ITGA6: variants seen among roughly 807,000 people sequenced by gnomAD.
ITGA6 encodes the protein integrin alpha-6.
A neutral mutation model predicts 133.6 loss-of-function variants in ITGA6; 63 were observed. The ratio of observed to expected loss-of-function variants is 0.47; its 90% confidence interval spans 0.38 to 0.58. ITGA6 has a LOEUF of 0.58. Ranked by LOEUF, ITGA6 falls within the 20% of genes least tolerant of loss-of-function variation. The pLI is 0.00. For missense variants in ITGA6, 1,068 were observed against 1,309.4 expected (o/e 0.82, Z 2.85); for synonymous variants, 434 against 482.0 (o/e 0.90, Z 1.30).
chr2:172,446,545 G>A (rs908001434), intron 1 of ITGA6, among the ~76,000 whole-genome samples: 4 of 152,206 alleles, frequency 2.6e-5, no homozygotes, highest in South Asian at 2.1e-4. Flanking sequence ...CTGTGCAAAG[G>A]TCAGGGATGG....
intron 9 of ITGA6, among the ~76,000 whole-genome samples, 175 bp downstream of exon 9, chr2:172,476,688 A>G (rs1174835313): frequency 6.6e-6 from 1 of 152,200 alleles, no homozygotes; most frequent in Admixed American, 6.5e-5. Context: ...TATTTTCTAA[A>G]ATCTTTTAAA....
rs1440986732 is a variant in ITGA6 at position 172,489,827 on chromosome 2, G to T, written c.2679+169G>T. 1.1e-5 allele frequency: 7 copies of T among 642,964 alleles called. No individual in the cohort carries two copies. The East Asian group carries it at 2.0e-4, about 18-fold the overall frequency. The allele number at this position is 642,964 out of a possible 1,614,324, so 39.8% of individuals were successfully genotyped here. A position where few individuals can be genotyped will look rare whatever the true frequency, so the allele number is the denominator to read the frequency against. On this transcript the variant is annotated intron_variant, in intron 20 of 25. Coordinates refer to ENST00000684293, the MANE Select transcript of ITGA6 (RefSeq NM_000210.4). ...AGTTGGGTAACTGAGGGAGGCTGAGGCATTTTTGCTGGTTAATGACCATTA... is the reference window on the plus strand; with the variant it reads ...AGTTGGGTAACTGAGGGAGGCTGAGTCATTTTTGCTGGTTAATGACCATTA...
Position 172,474,995 on chromosome 2 carries a change from G to A in ITGA6, c.1053G>A (p.Val351=), listed in dbSNP as rs891862958. 2 of 1,585,330 alleles carry A rather than the reference G, an allele frequency of 1.3e-6. No individual in the cohort carries two copies. The highest frequency in any genetic ancestry group is 1.7e-6 in the Non-Finnish European group (2 of 1,153,806). Residue 351 remains valine (V), a synonymous_variant, in exon 7 of 26, where the codon GTG becomes GTA. Transcript: ENST00000684293. ...FDRDGEVGGA[V]YVYMNQQGRW... is the part of the protein sequence containing the mutation. ...GAGATGGAGAAGTTGGAGGTGCAGT[G>A]TATGTCTACATGAACCAGCAAGGCA...
At chr2:172,484,963 C>A (rs1686600657) in intron 12 of ITGA6, 21 bp downstream of exon 12, 1 of 1,613,086 alleles carries the variant, frequency 6.2e-7, no homozygotes, top group African/African-American at 1.3e-5. Flanking sequence ...CAGATGGTCA[C>A]ATCTGTTTTA....
chr2:172,464,575 C>A (rs557975993), intron 1 of ITGA6: 1 of 152,292 alleles, frequency 6.6e-6, no homozygotes, highest in African/African-American at 2.4e-5. Flanking sequence ...GATTGTAAAC[C>A]TGATGGTGAG....
Position 172,501,823 on chromosome 2 carries a change from A to G in ITGA6, c.3166A>G (p.Lys1056Glu). The G allele has an allele frequency of 1.2e-6, 2 of 1,612,334 alleles. No homozygotes were observed. The highest frequency in any genetic ancestry group is 1.7e-6 in the Non-Finnish European group (2 of 1,178,910). Residue 1056 changes from lysine (K) to glutamate (E), a missense_variant, in exon 25 of 26, where the codon AAG (lysine) becomes GAG (glutamate). Coordinates refer to ENST00000684293, the MANE Select transcript of ITGA6 (RefSeq NM_000210.4). Reference sequence around the variant, plus strand: ...AGATCATTATGATGCCACATATCACAAGGCTGAGATCCATGCTCAGCCATC... The same window carrying G: ...AGATCATTATGATGCCACATATCACGAGGCTGAGATCCATGCTCAGCCATC... Reference protein sequence around the residue: ...KKDHYDATYHKAEIHAQPSDK... With the variant: ...KKDHYDATYHEAEIHAQPSDK...
intron 1 of ITGA6, among the ~76,000 whole-genome samples, chr2:172,453,836 A>G (rs1685102943): frequency 6.6e-6 from 1 of 152,198 alleles, no homozygotes; most frequent in Non-Finnish European, 1.5e-5. Flanking sequence ...ATTACAAATA[A>G]CCATTGGATG....
In ITGA6 at chr2:172,469,416, T is replaced by A. The variant is rs370991581; in HGVS notation, c.643+36T>A. 15 of 1,426,040 alleles carry A rather than the reference T, an allele frequency of 1.1e-5. No homozygotes were observed. In the African/African-American group the frequency reaches 2.3e-4, roughly 22 times the overall value. 88.3% of individuals were successfully genotyped at this position (1,426,040 alleles called of 1,614,324 possible). On this transcript the variant is annotated intron_variant, in intron 4 of 25. Coordinates refer to ENST00000684293, the MANE Select transcript of ITGA6 (RefSeq NM_000210.4). ...TGTATTTATAGAAATAGAGATTAGT[T>A]CCCCTAATTTCTGTAATATGATTTA...
chr2:172,491,664 A>C lies in ITGA6; in HGVS notation c.2988+141A>C, dbSNP rs976417233. ...GAGAAAACTGTCTTAAGGTACTGGC[A>C]CTGCAAGCTGTATTTTAATAGAATC... On this transcript the variant is annotated intron_variant, in intron 23 of 25. Transcript: ENST00000684293. This position sits in a 1 kb window ranked among gnomAD's most constrained non-coding sequence, Gnocchi z 4.4. 2.9e-6 allele frequency: 2 copies of C among 698,296 alleles called. No homozygotes were observed. Among genetic ancestry groups the C allele is most frequent in the African/African-American group, 3.5e-5 (2 of 56,796 alleles). 43.3% of individuals were successfully genotyped at this position (698,296 alleles called of 1,614,324 possible).
chr2:172,434,620 A>T (rs10195932), intron 1 of ITGA6, among the ~76,000 whole-genome samples: 13,862 of 152,078 alleles, frequency 0.091, 1,424 homozygotes, highest in East Asian at 0.52. Context: ...AATGGTAAAG[A>T]AGACTGTTCT....
chr2:172,441,882 T>C (rs1684558322), intron 1 of ITGA6, among the ~76,000 whole-genome samples: 1 of 152,106 alleles, frequency 6.6e-6, no homozygotes, highest in Non-Finnish European at 1.5e-5. Flanking sequence ...CATTTCCCAC[T>C]AGAACCCCAT....
chr2:172,429,583 G>T (rs923308996), intron 1 of ITGA6, among the ~76,000 whole-genome samples: 3 of 152,168 alleles, frequency 2.0e-5, no homozygotes, highest in African/African-American at 7.2e-5. Flanking sequence ...TGCGAAACGT[G>T]ACTTTGCCAG....
At chr2:172,455,245 A>G (rs1685163154) in intron 1 of ITGA6, among the ~76,000 whole-genome samples, 1 of 152,254 alleles carries the variant, frequency 6.6e-6, no homozygotes, top group African/African-American at 2.4e-5. Context: ...TGTTACCACC[A>G]AGTCACTTGG....
intron 1 of ITGA6, among the ~76,000 whole-genome samples, chr2:172,441,127 C>G (rs914733841): frequency 1.3e-5 from 2 of 152,172 alleles, no homozygotes; most frequent in African/African-American, 4.8e-5. Flanking sequence ...TTGGTAATGA[C>G]TAATTTCTCC....
chr2:172,479,536 T>C, intron 9 of ITGA6, 105 bp from the exon 10 acceptor site: 1 of 922,390 alleles, frequency 1.1e-6, no homozygotes, highest in Admixed American at 1.7e-5. Context: ...TTTTCCTGTG[T>C]TTTTAAGCTG....
chr2:172,495,722 G>A (rs1219274053), intron 23 of ITGA6, among the ~76,000 whole-genome samples: 1 of 152,184 alleles, frequency 6.6e-6, no homozygotes, highest in Non-Finnish European at 1.5e-5. Context: ...GGAAGTTCTG[G>A]TTTGAATGGT....
intron 1 of ITGA6, among the ~76,000 whole-genome samples, chr2:172,439,653 C>T (rs924962340): frequency 2.7e-5 from 4 of 148,680 alleles, no homozygotes; most frequent in Non-Finnish European, 6.0e-5. Context: ...CACTGTGCCT[C>T]TGTACATGTT....
At chr2:172,457,726 A>G (rs1347993907) in intron 1 of ITGA6, among the ~76,000 whole-genome samples, 1 of 152,170 alleles carries the variant, frequency 6.6e-6, no homozygotes, top group Non-Finnish European at 1.5e-5. Context: ...CGTTGTGGTA[A>G]CAGCTGGGGA....
intron 5 of ITGA6, among the ~76,000 whole-genome samples, chr2:172,471,908 AG>A (rs138518904): frequency 0.3 from 44,485 of 147,020 alleles, 6,945 homozygotes; most frequent in African/African-American, 0.37. Flanking sequence ...AAAAAAAAAA[AG>A]AAAGTGAAGA....
Sources: gnomAD v4.1 joint callset for allele counts (sites outside exome capture counted in the v4.1 genomes callset) on GRCh38, gnomAD v4.1.1 for gene constraint, Gnocchi (gnomAD v3.1) non-coding constraint, MANE v1.5 for transcripts, NCBI Gene and HGNC (gene_info 2026-07-23, HGNC 2026-07-21) for gene names.